Variants in HIVEP1 observed in about 807,000 individuals in gnomAD.
The protein encoded by HIVEP1 is HIVEP zinc finger 1.
HIVEP1 carries 36 observed loss-of-function variants against 180.0 expected under a neutral mutation model. That is an observed-to-expected ratio of 0.20 (90% CI 0.15 to 0.26). The LOEUF (loss-of-function observed/expected upper bound fraction) is 0.26. Ranked by LOEUF, HIVEP1 falls within the 10% of genes least tolerant of loss-of-function variation. The pLI, the probability that HIVEP1 is intolerant of heterozygous loss-of-function variation, is 1.00. For synonymous variants in HIVEP1, 1,239 were observed against 1,239.0 expected (o/e 1.00, Z 0.00); for missense variants, 3,143 against 3,268.7 (o/e 0.96, Z 0.94).
In HIVEP1 at chr6:12,012,505, C is replaced by G. The variant is rs2113547621; in HGVS notation, c.-165C>G. On this transcript the variant is annotated 5_prime_UTR_variant, in exon 1 of 9. It adds an upstream start codon to the 5' untranslated region. Coordinates refer to ENST00000379388, the MANE Select transcript of HIVEP1 (RefSeq NM_002114.4). ...GATCCCGAGCCGCGGCCGCCGCCAT[C>G]AGCAGCGCAGCTCCAGGGCCGGCTG... 6.6e-6 allele frequency: 1 copy of G among 150,726 alleles called. No individual in the cohort carries two copies. The highest frequency in any genetic ancestry group is 1.9e-4 in the East Asian group (1 of 5,136). 9.3% of individuals were successfully genotyped at this position (150,726 alleles called of 1,614,324 possible). A position where few individuals can be genotyped will look rare whatever the true frequency, so the allele number is the denominator to read the frequency against.
chr6:12,186,586 T>A, the HIVEP1 span, among the ~76,000 whole-genome samples: 2 of 144,690 alleles, frequency 1.4e-5, no homozygotes, highest in Non-Finnish European at 3.0e-5. Flanking sequence ...ATACGGTAAA[T>A]GCTACCTAAT....
chr6:12,014,440 A>G (rs1344794673), intron 1 of HIVEP1, among the ~76,000 whole-genome samples: 1 of 152,192 alleles, frequency 6.6e-6, no homozygotes, highest in African/African-American at 2.4e-5. Flanking sequence ...TAAATTAGGG[A>G]ATGTGTAGAA....
At chr6:12,036,205 A>G (rs1769267229) in intron 2 of HIVEP1, among the ~76,000 whole-genome samples, 1 of 152,256 alleles carries the variant, frequency 6.6e-6, no homozygotes, top group Non-Finnish European at 1.5e-5. Flanking sequence ...ATATTTGTTC[A>G]AAGAGCTTGA....
chr6:12,044,433 C>T (rs1355407917), intron 2 of HIVEP1, among the ~76,000 whole-genome samples: 2 of 152,176 alleles, frequency 1.3e-5, no homozygotes, highest in Non-Finnish European at 2.9e-5. Context: ...TTCCTTTCCC[C>T]ACCCCTCACC....
At chr6:12,049,233 T>C (rs923632180) in intron 2 of HIVEP1, among the ~76,000 whole-genome samples, 1 of 152,152 alleles carries the variant, frequency 6.6e-6, no homozygotes, top group Non-Finnish European at 1.5e-5. Context: ...ATTAATGACA[T>C]TTCTTATGTC....
rs191834749 is a variant in HIVEP1 at position 12,109,234 on chromosome 6, C to T, written c.95-10656C>T. Among the ~76,000 whole-genome samples the T allele has an allele frequency of 3.3e-3, 506 of 152,140 alleles. 4 individuals carry two copies. The highest frequency in any genetic ancestry group is 0.012 in the African/African-American group (491 of 41,510). Reference sequence around the variant, plus strand: ...GGTCTCAATCTCCTGACCTCGTGTTCCGCCCGCCTCAGCCTCCCAAAGTGC... The same window carrying T: ...GGTCTCAATCTCCTGACCTCGTGTTTCGCCCGCCTCAGCCTCCCAAAGTGC... On this transcript the variant is annotated intron_variant, in intron 3 of 8. Transcript: ENST00000379388.
chr6:12,016,315 ATTG>A (rs1446575571), intron 2 of HIVEP1, among the ~76,000 whole-genome samples: 1 of 152,206 alleles, frequency 6.6e-6, no homozygotes, highest in African/African-American at 2.4e-5. Flanking sequence ...AAAGATTTGT[ATTG>A]TTCTCGTGTT....
chr6:12,128,129 G>T (rs776830232), intron 4 of HIVEP1, among the ~76,000 whole-genome samples: 2 of 152,172 alleles, frequency 1.3e-5, no homozygotes, highest in Non-Finnish European at 2.9e-5. Context: ...TTAATAGTAC[G>T]AAAGTGAGCA....
At chr6:12,029,388 G>A (rs957611246) in intron 2 of HIVEP1, among the ~76,000 whole-genome samples, 1 of 152,120 alleles carries the variant, frequency 6.6e-6, no homozygotes, top group African/African-American at 2.4e-5. Flanking sequence ...CATCCAGTCC[G>A]ACAATCTGCC....
chr6:12,079,061 A>G (rs1772589635), intron 2 of HIVEP1, among the ~76,000 whole-genome samples: 1 of 152,156 alleles, frequency 6.6e-6, no homozygotes, highest in African/African-American at 2.4e-5. Flanking sequence ...CACCATGGTT[A>G]CGATGACTAC....
chr6:12,140,421 C>A (rs1333656823), intron 7 of HIVEP1, among the ~76,000 whole-genome samples: 1 of 152,164 alleles, frequency 6.6e-6, no homozygotes, highest in Non-Finnish European at 1.5e-5. Flanking sequence ...AGAAACCAGA[C>A]CAGAACATCT....
In HIVEP1 at chr6:12,123,389, A is replaced by G. The variant is rs201297540; in HGVS notation, c.3594A>G (p.Leu1198=). 154 of 1,614,198 alleles carry G rather than the reference A, an allele frequency of 9.5e-5. No homozygotes were observed. The highest frequency in any genetic ancestry group is 1.3e-4 in the East Asian group (6 of 44,880). The part of the protein sequence containing the change: ...RDGSHPHQLA[L]SDALRGELQE... ...GGTCTCATCCTCACCAGCTTGCACT[A>G]TCAGACGCTCTCAGAGGAGAACTTC... The change falls in exon 4 of 9, where the codon CTA becomes CTG. Residue 1198 remains leucine (L), a synonymous_variant. Coordinates refer to ENST00000379388, the MANE Select transcript of HIVEP1 (RefSeq NM_002114.4).
chr6:12,048,075 T>A (rs898472582), intron 2 of HIVEP1, among the ~76,000 whole-genome samples: 1 of 152,246 alleles, frequency 6.6e-6, no homozygotes, highest in Non-Finnish European at 1.5e-5. Flanking sequence ...TGTTTTTCAC[T>A]AGCTTTCATG....
chr6:12,014,842 G>T (rs1767632037), intron 1 of HIVEP1, among the ~76,000 whole-genome samples: 1 of 152,224 alleles, frequency 6.6e-6, no homozygotes, highest in Admixed American at 6.5e-5. Context: ...ACAAAAAGGT[G>T]TTTCTGGCGT....
chr6:12,095,670 T>C (rs1481996010), intron 3 of HIVEP1, among the ~76,000 whole-genome samples: 4 of 152,100 alleles, frequency 2.6e-5, no homozygotes, highest in Non-Finnish European at 4.4e-5. Flanking sequence ...AAAGTACTCA[T>C]AGATTTTATG....
chr6:12,077,049 G>GC (rs1338099358), intron 2 of HIVEP1, among the ~76,000 whole-genome samples: 1 of 152,046 alleles, frequency 6.6e-6, no homozygotes, highest in Non-Finnish European at 1.5e-5. Flanking sequence ...AACTTACAAA[G>GC]CCCCAGGAGG....
chr6:12,145,652 A>T (rs949162110), intron 7 of HIVEP1, among the ~76,000 whole-genome samples: 3 of 152,150 alleles, frequency 2.0e-5, no homozygotes, highest in African/African-American at 4.8e-5. Context: ...AATATATATA[A>T]AAACAAAAGG....
chr6:12,120,897 T>C lies in HIVEP1; in HGVS notation c.1102T>C (p.Ser368Pro). 1 of 1,614,206 alleles carries C rather than the reference T, an allele frequency of 6.2e-7. No homozygotes were observed. Among genetic ancestry groups the C allele is most frequent in the Non-Finnish European group, 8.5e-7 (1 of 1,180,044 alleles). Reference protein sequence around the residue: ...LSISPANSTQSPPMPIYNSTH... With the variant: ...LSISPANSTQPPPMPIYNSTH... Reference sequence around the variant, plus strand: ...AATAAGTCCGGCTAATTCTACACAGTCGCCCCCCATGCCAATCTATAATTC... The same window carrying C: ...AATAAGTCCGGCTAATTCTACACAGCCGCCCCCCATGCCAATCTATAATTC... The change falls in exon 4 of 9, where the codon TCG (serine) becomes CCG (proline). Residue 368 changes from serine to proline, a missense_variant. By Grantham distance (74) the Ser-to-Pro change is moderately conservative. This residue lies in a region of HIVEP1 where 306 missense variants were observed against 310.6 expected (regional missense o/e 0.99). Coordinates refer to ENST00000379388, the MANE Select transcript of HIVEP1 (RefSeq NM_002114.4).
chr6:12,137,732 A>G (rs1322404167), intron 7 of HIVEP1, among the ~76,000 whole-genome samples: 1 of 152,144 alleles, frequency 6.6e-6, no homozygotes, highest in Non-Finnish European at 1.5e-5. Flanking sequence ...CACCAGCAGA[A>G]TTTATTCCTC....
Sources: allele counts gnomAD v4.1 joint callset (sites outside exome capture counted in the v4.1 genomes callset), GRCh38; gene constraint gnomAD v4.1.1; regional missense constraint gnomAD v4.1.1; transcripts MANE v1.5; gene names NCBI Gene and HGNC (gene_info 2026-07-23, HGNC 2026-07-21).